The following CSMD2 variants were observed in gnomAD, a reference collection of about 807,000 sequenced individuals.
CSMD2 encodes the protein CUB and Sushi multiple domains 2.
A neutral mutation model predicts 398.5 loss-of-function variants in CSMD2; 130 were observed. The ratio of observed to expected loss-of-function variants is 0.33; its 90% CI spans 0.28 to 0.38. CSMD2 has a LOEUF of 0.38. CSMD2 is among the 10% of genes least tolerant of loss of function. The pLI, the probability that CSMD2 is intolerant of heterozygous loss-of-function variation, is 1.00. For synonymous variants in CSMD2, 1,828 were observed against 1,908.5 expected (o/e 0.96, Z 1.10); for missense variants, 3,829 against 4,764.9 (o/e 0.80, Z 5.78).
intron 1 of CSMD2, among the ~76,000 whole-genome samples, chr1:34,120,167 A>G (rs1170403795): frequency 6.6e-6 from 1 of 152,262 alleles, no homozygotes; most frequent in Non-Finnish European, 1.5e-5. Flanking sequence ...GCAATAAACC[A>G]ACAATAAATA....
At chr1:34,106,079 G>A (rs1035397234) in intron 1 of CSMD2, among the ~76,000 whole-genome samples, 1 of 152,140 alleles carries the variant, frequency 6.6e-6, no homozygotes, top group Non-Finnish European at 1.5e-5. Flanking sequence ...TTTATAGGTG[G>A]GGGTGTTAAT....
At chr1:33,865,259 A>G (rs1384547174) in intron 5 of CSMD2, among the ~76,000 whole-genome samples, 2 of 151,804 alleles carry the variant, frequency 1.3e-5, no homozygotes, top group Admixed American at 6.6e-5. Flanking sequence ...TTGAGGCCCC[A>G]GGAGAAACAT....
At chr1:34,051,906 C>A (rs1167261674) in intron 2 of CSMD2, among the ~76,000 whole-genome samples, 1 of 152,106 alleles carries the variant, frequency 6.6e-6, no homozygotes, top group Non-Finnish European at 1.5e-5. Flanking sequence ...GTGAGATTAA[C>A]ATTTGAATCA....
chr1:33,617,513 C>A lies in CSMD2; in HGVS notation c.5932G>T (p.Gly1978Ter), dbSNP rs2148859689. The A allele has an allele frequency of 6.2e-7, 1 of 1,613,830 alleles. No homozygotes were observed. The highest frequency in any genetic ancestry group is 8.5e-7 in the Non-Finnish European group (1 of 1,179,770). ...AGGGGAGGTACCTGGAGGGCATATCCCGGCTCACACTGGAAAGACACCACA... is the reference window on the plus strand; with the variant it reads ...AGGGGAGGTACCTGGAGGGCATATCACGGCTCACACTGGAAAGACACCACA... ...NDVVSFQCEPGYALQGHAHIS... is the reference protein window; with the variant it reads ...NDVVSFQCEP The change falls in exon 38 of 71, where the codon GGA (glycine) becomes TGA (stop). Residue 1978 changes from glycine to a stop codon, truncating the protein, a stop_gained. Transcript: ENST00000373381. LOFTEE classifies it high-confidence loss of function.
intron 25 of CSMD2, among the ~76,000 whole-genome samples, chr1:33,692,605 G>A (rs1232065950): frequency 6.6e-6 from 1 of 152,202 alleles, no homozygotes; most frequent in Non-Finnish European, 1.5e-5. Context: ...AGAGGATAAG[G>A]AACTTTCCCA....
intron 56 of CSMD2, among the ~76,000 whole-genome samples, chr1:33,549,244 C>T (rs750316733): frequency 5.3e-5 from 8 of 152,168 alleles, no homozygotes; most frequent in Non-Finnish European, 1.2e-4. Flanking sequence ...AGGAGGAGGT[C>T]ATGATCCTTT....
intron 3 of CSMD2, among the ~76,000 whole-genome samples, chr1:33,947,965 C>T (rs1644889770): frequency 6.6e-6 from 1 of 152,184 alleles, no homozygotes; most frequent in Non-Finnish European, 1.5e-5. Flanking sequence ...CTGGGGTGTA[C>T]ACCTAGTCAG....
chr1:33,942,889 G>A (rs150918083), intron 3 of CSMD2, among the ~76,000 whole-genome samples: 24 of 152,284 alleles, frequency 1.6e-4, no homozygotes, highest in African/African-American at 5.8e-4. Context: ...AACCACACTA[G>A]CCCTATAACT....
chr1:33,646,571 T>C, intron 29 of CSMD2, 77 bp downstream of exon 29: 1 of 1,496,778 alleles, frequency 6.7e-7, no homozygotes, highest in South Asian at 1.2e-5. Context: ...AGGGCTCTCC[T>C]CACTACGCTA....
intron 2 of CSMD2, among the ~76,000 whole-genome samples, chr1:34,035,873 C>G (rs1433818666): frequency 6.6e-6 from 1 of 152,046 alleles, no homozygotes; most frequent in Non-Finnish European, 1.5e-5. Flanking sequence ...AGACATTTCA[C>G]CAAATAAGAC....
intron 6 of CSMD2, among the ~76,000 whole-genome samples, chr1:33,845,179 A>G (rs1661235804): frequency 6.6e-6 from 1 of 152,222 alleles, no homozygotes; most frequent in Non-Finnish European, 1.5e-5. Flanking sequence ...CCATCAGAGG[A>G]GGCCCTGTAA....
chr1:34,103,447 C>CCA (rs1660205285), intron 1 of CSMD2, among the ~76,000 whole-genome samples: 9 of 152,014 alleles, frequency 5.9e-5, no homozygotes, highest in South Asian at 4.2e-4. Flanking sequence ...TACCGGCACC[C>CCA]GCCACCACGC....
At position 33,559,577 on chromosome 1, in the gene CSMD2, C is replaced by A; in HGVS notation, c.8381-104G>T. The A allele has an allele frequency of 4.9e-6, 5 of 1,019,752 alleles. No homozygotes were observed. In the South Asian group the frequency reaches 6.4e-5, roughly 13 times the overall value. The allele number at this position is 1,019,752 out of a possible 1,614,324, so 63.2% of individuals were successfully genotyped here. The stretch of plus-strand genomic sequence containing the variant: ...CTCTTAGGCCATCAGTGAAGTTCAG[C>A]CCTAAGTCTAACTTCAATCTCTTTT... On this transcript the variant is annotated intron_variant, in intron 53 of 70. Transcript: ENST00000373381. This position sits in a 1 kb window ranked among gnomAD's most constrained non-coding sequence, Gnocchi z 4.0.
intron 3 of CSMD2, among the ~76,000 whole-genome samples, chr1:34,022,650 G>A (rs907189581): frequency 8.5e-5 from 13 of 152,186 alleles, no homozygotes; most frequent in African/African-American, 2.9e-4. Context: ...GTAGTGGTGA[G>A]GTGGTTCAGG....
At chr1:33,582,530 CAAT>C in intron 47 of CSMD2, among the ~76,000 whole-genome samples, 1 of 152,252 alleles carries the variant, frequency 6.6e-6, no homozygotes, top group South Asian at 2.1e-4. Context: ...CGCACAATGA[CAAT>C]AATTGTATAT....
intron 6 of CSMD2, among the ~76,000 whole-genome samples, chr1:33,841,336 T>C (rs866826457): frequency 3.9e-5 from 6 of 152,156 alleles, no homozygotes; most frequent in South Asian, 2.1e-4. Flanking sequence ...GTCAAAGTGA[T>C]TGATGAATAT....
chr1:34,149,416 G>GC (rs1356728564), intron 1 of CSMD2, among the ~76,000 whole-genome samples: 6 of 152,124 alleles, frequency 3.9e-5, no homozygotes, highest in Admixed American at 3.9e-4. Context: ...AATGCCAGCT[G>GC]CCCCCCACCA....
chr1:33,918,186 C>A lies in CSMD2; in HGVS notation c.828G>T (p.Leu276=), dbSNP rs769999757. The change falls in exon 5 of 71, where the codon CTG becomes CTT. Residue 276 remains leucine (L), a synonymous_variant. Transcript: ENST00000373381. ...ADCTWTILAE[L]GDTIALVFID... ...TAAACACCAGGGCGATGGTGTCCCC[C>A]AGCTCAGCCAGGATGGTCCATGTGC... is the stretch of plus-strand genomic sequence containing the variant. 12 of 1,614,192 alleles carry A rather than the reference C, an allele frequency of 7.4e-6. No homozygotes were observed. Among genetic ancestry groups the A allele is most frequent in the Non-Finnish European group, 1.0e-5 (12 of 1,180,042 alleles).
intron 25 of CSMD2, among the ~76,000 whole-genome samples, chr1:33,663,529 G>T (rs1008709536): frequency 1.3e-5 from 2 of 152,176 alleles, no homozygotes; most frequent in Non-Finnish European, 2.9e-5. Flanking sequence ...AGGGCAGGGG[G>T]AACTGTGGAG....
Sources: allele counts gnomAD v4.1 joint callset (sites outside exome capture counted in the v4.1 genomes callset), GRCh38; gene constraint gnomAD v4.1.1; non-coding constraint Gnocchi (gnomAD v3.1); transcripts MANE v1.5; gene names NCBI Gene and HGNC (gene_info 2026-07-23, HGNC 2026-07-21).